The following RABGAP1 variants were observed in gnomAD, a reference collection of about 807,000 sequenced individuals.
RABGAP1 encodes the protein RAB GTPase activating protein 1, also known as rab GTPase-activating protein 1.
Under a neutral mutation model 137.6 loss-of-function variants are expected in RABGAP1, and 23 were observed. The ratio of observed to expected loss-of-function variants is 0.17; its 90% CI spans 0.12 to 0.24. The LOEUF (loss-of-function observed/expected upper bound fraction) is 0.24, where lower values mean the gene tolerates loss of function less well. RABGAP1 is among the 10% of genes least tolerant of loss of function. The pLI, the probability that RABGAP1 is intolerant of heterozygous loss-of-function variation, is 1.00. For missense variants in RABGAP1, 906 were observed against 1,275.8 expected, an observed-to-expected ratio of 0.71 and a Z score of 4.42; for synonymous variants, 451 against 450.7, an observed-to-expected ratio of 1.00 and a Z score of -0.01.
Position 123,101,745 on chromosome 9 carries a change from G to A in RABGAP1, c.3069G>A (p.Glu1023=), listed in dbSNP as rs1259185726. The change falls in exon 25 of 26, where the codon GAG becomes GAA. Residue 1023 remains glutamate, a synonymous_variant. Transcript: ENST00000373647. ...CACAGACCAAACTCCAGCTGGTGGA[G>A]GCCGAGTGTAAGATACAGGTAACAG... ...ELAQTKLQLV[E]AECKIQDLEH... 6.2e-7 allele frequency: 1 copy of A among 1,609,988 alleles called. No individual in the cohort carries two copies. The highest frequency in any genetic ancestry group is 2.2e-5 in the East Asian group (1 of 44,704).
At chr9:123,099,010 A>G (rs983483176) in intron 23 of RABGAP1, among the ~76,000 whole-genome samples, 6 of 152,198 alleles carry the variant, frequency 3.9e-5, no homozygotes, top group Non-Finnish European at 8.8e-5. Context: ...GAGGATTTAA[A>G]AAGACCATGT....
chr9:123,033,699 A>T (rs2032437881), intron 13 of RABGAP1: 1 of 151,944 alleles, frequency 6.6e-6, no homozygotes, highest in African/African-American at 2.4e-5. Context: ...TCTGCTAAGG[A>T]TGTATTGTGG....
intron 1 of RABGAP1, among the ~76,000 whole-genome samples, chr9:122,948,944 C>T (rs1448069976): frequency 1.3e-5 from 2 of 152,158 alleles, no homozygotes; most frequent in East Asian, 1.9e-4. Context: ...GAAATTACTA[C>T]GAGTAAAACA....
chr9:123,076,344 C>A, intron 18 of RABGAP1, 58 bp downstream of exon 18: 1 of 1,539,610 alleles, frequency 6.5e-7, no homozygotes, highest in Non-Finnish European at 8.9e-7. Context: ...ACTTGCAATA[C>A]ATTGGTTGTA....
chr9:123,102,422 A>T (rs1233380516), intron 25 of RABGAP1, among the ~76,000 whole-genome samples: 1 of 152,180 alleles, frequency 6.6e-6, no homozygotes, highest in East Asian at 1.9e-4. Flanking sequence ...CATGGCACAC[A>T]TTCACTGGGC....
chr9:123,083,925 G>A (rs144987050), intron 19 of RABGAP1, among the ~76,000 whole-genome samples: 3 of 152,284 alleles, frequency 2.0e-5, no homozygotes, highest in African/African-American at 4.8e-5. Context: ...GTCAACAAAC[G>A]CTTGTAGATT....
chr9:122,935,281 T>C, the RABGAP1 span, among the ~76,000 whole-genome samples: 1 of 152,252 alleles, frequency 6.6e-6, no homozygotes, highest in African/African-American at 2.4e-5. Flanking sequence ...TGTAAAGCTC[T>C]GCCCTTTCCT....
At chr9:122,997,042 A>G (rs951634514) in intron 8 of RABGAP1, 6 of 582,516 alleles carry the variant, frequency 1.0e-5, no homozygotes, top group Non-Finnish European at 1.9e-5. Context: ...CTTAATGTGT[A>G]TACAATTTGA....
At chr9:122,933,171 G>A in the RABGAP1 span, among the ~76,000 whole-genome samples, 1 of 152,014 alleles carries the variant, frequency 6.6e-6, no homozygotes, top group Non-Finnish European at 1.5e-5. Context: ...TGAAAATGGG[G>A]TATTGTAGTC....
chr9:123,051,051 A>G (rs747707177), intron 13 of RABGAP1, among the ~76,000 whole-genome samples: 14 of 151,708 alleles, frequency 9.2e-5, no homozygotes, highest in Non-Finnish European at 1.8e-4. Flanking sequence ...CTAAAAATAT[A>G]TCTATCTGGT....
At chr9:123,101,487 C>A in intron 24 of RABGAP1, 79 bp from the exon 25 acceptor site, 2 of 1,338,686 alleles carry the variant, frequency 1.5e-6, no homozygotes, top group South Asian at 1.5e-5. Context: ...CTCTTGGTGT[C>A]CCCCAAAGGA....
intron 2 of RABGAP1, among the ~76,000 whole-genome samples, chr9:122,977,794 C>CAGTA (rs1441842236): frequency 1.3e-5 from 2 of 151,978 alleles, no homozygotes; most frequent in Non-Finnish European, 2.9e-5. Flanking sequence ...GGTCTCTATC[C>CAGTA]AGTAGACAGT....
At chr9:122,974,191 A>G (rs1835634124) in intron 2 of RABGAP1, among the ~76,000 whole-genome samples, 1 of 152,134 alleles carries the variant, frequency 6.6e-6, no homozygotes, top group Non-Finnish European at 1.5e-5. Flanking sequence ...GAATCTAGGT[A>G]TGAGCGAACT....
chr9:123,034,401 C>T (rs1294486306), intron 13 of RABGAP1: 3 of 608,924 alleles, frequency 4.9e-6, no homozygotes, highest in Admixed American at 5.9e-5. Context: ...GGGAATTGCA[C>T]TGCAGGCAAT....
chr9:123,033,050 G>A (rs1447508146), intron 13 of RABGAP1, among the ~76,000 whole-genome samples: 4 of 152,194 alleles, frequency 2.6e-5, no homozygotes, highest in South Asian at 2.1e-4. Flanking sequence ...TGCTATTTGT[G>A]TAGTATTCAG....
chr9:122,974,293 C>G (rs1835640788), intron 2 of RABGAP1, among the ~76,000 whole-genome samples: 1 of 151,788 alleles, frequency 6.6e-6, no homozygotes, highest in Admixed American at 6.6e-5. Flanking sequence ...CCTGTACAAA[C>G]AAGTGAGCCT....
Position 122,989,284 on chromosome 9 carries a change from T to C in RABGAP1, c.591-13T>C. The C allele has an allele frequency of 6.2e-7, 1 of 1,604,072 alleles. No individual in the cohort carries two copies. The highest frequency in any genetic ancestry group is 8.5e-7 in the Non-Finnish European group (1 of 1,171,928). On this transcript the variant is annotated splice_polypyrimidine_tract_variant and intron_variant, in intron 4 of 25. Coordinates refer to ENST00000373647, the MANE Select transcript of RABGAP1 (RefSeq NM_012197.4). ...AATTCCTGTAATCTCTCTGTATCTT[T>C]TTCTCTGAACAGACTCTTAGATCCT...
intron 1 of RABGAP1, among the ~76,000 whole-genome samples, chr9:122,955,653 C>T (rs1404212590): frequency 1.3e-5 from 2 of 151,968 alleles, no homozygotes; most frequent in Non-Finnish European, 2.9e-5. Context: ...CTACTTTTTA[C>T]TCTGCCATCA....
intron 19 of RABGAP1, among the ~76,000 whole-genome samples, chr9:123,083,337 T>C (rs556608252): frequency 2.7e-4 from 41 of 152,360 alleles, no homozygotes; most frequent in African/African-American, 7.2e-4. Context: ...TTCAGCTTTC[T>C]TTATAACTAG....
Sources: allele counts gnomAD v4.1 joint callset (sites outside exome capture counted in the v4.1 genomes callset), GRCh38; gene constraint gnomAD v4.1.1; transcripts MANE v1.5; gene names NCBI Gene and HGNC (gene_info 2026-07-23, HGNC 2026-07-21).